The following RALYL variants were observed in gnomAD, a reference collection of about 807,000 sequenced individuals.
The protein encoded by RALYL is RALY RNA binding protein like.
In RALYL, 29 loss-of-function variants were observed where a neutral mutation model predicts 35.1. That is an observed-to-expected ratio of 0.83 (90% confidence interval 0.61 to 1.13). The LOEUF (loss-of-function observed/expected upper bound fraction) is 1.13. Ranked by LOEUF, RALYL falls within the 50% of genes most tolerant of loss-of-function variation. The probability of loss-of-function intolerance (pLI) is 0.00; values close to 1 mark genes in which losing one functional copy is unlikely to be tolerated. For missense variants in RALYL, 359 were observed against 360.4 expected, an observed-to-expected ratio of 1.00 and a Z score of 0.03; for synonymous variants, 120 against 127.6, an observed-to-expected ratio of 0.94 and a Z score of 0.40.
chr8:84,198,063 A>G (rs1015658686), intron 1 of RALYL, among the ~76,000 whole-genome samples: 4 of 152,146 alleles, frequency 2.6e-5, no homozygotes, highest in Non-Finnish European at 4.4e-5. Flanking sequence ...GATATTTTCA[A>G]TATCTATGTA....
At chr8:84,754,718 A>G (rs1585974060) in intron 2 of RALYL, among the ~76,000 whole-genome samples, 2 of 152,248 alleles carry the variant, frequency 1.3e-5, no homozygotes, top group African/African-American at 2.4e-5. Context: ...TTCACATCCA[A>G]TACCTCCTCT....
In RALYL at chr8:84,703,258, A is replaced by G. The variant is rs1564401855; in HGVS notation, c.257-71321A>G. Among the ~76,000 whole-genome samples the G allele has an allele frequency of 2.0e-5, 3 of 152,072 alleles. No homozygotes were observed. The East Asian group carries it at 5.8e-4, about 29-fold the overall frequency. On this transcript the variant is annotated intron_variant, in intron 2 of 8. Transcript: ENST00000521268. ...ATTCAAGCCACTAGGCCCAGATGTG[A>G]GGTTCAGGAGTAGATGCTCTAAATG...
At chr8:84,656,917 A>G (rs959614249) in intron 2 of RALYL, among the ~76,000 whole-genome samples, 4 of 152,168 alleles carry the variant, frequency 2.6e-5, no homozygotes, top group Non-Finnish European at 4.4e-5. Context: ...TATAGCTGGA[A>G]TCATGCTAAA....
intron 2 of RALYL, among the ~76,000 whole-genome samples, chr8:84,548,116 T>G (rs1270583403): frequency 6.6e-6 from 1 of 152,190 alleles, no homozygotes; most frequent in African/African-American, 2.4e-5. Flanking sequence ...TTATATCGTT[T>G]AACATTTCTT....
chr8:84,828,641 C>A, intron 4 of RALYL: 1 of 182,812 alleles, frequency 5.5e-6, no homozygotes, highest in South Asian at 1.4e-4. Context: ...TTGTAAAAAC[C>A]AACATTTTGT....
intron 2 of RALYL, among the ~76,000 whole-genome samples, chr8:84,617,220 A>G (rs1819964286): frequency 2.0e-5 from 3 of 151,772 alleles, no homozygotes; most frequent in African/African-American, 7.3e-5. Context: ...GTTCCTACCC[A>G]TGAGCATGGA....
chr8:84,669,054 T>C (rs1832668183), intron 2 of RALYL, among the ~76,000 whole-genome samples: 1 of 152,142 alleles, frequency 6.6e-6, no homozygotes, highest in South Asian at 2.1e-4. Context: ...TATGTTCATG[T>C]GTCTTGCAAG....
chr8:84,716,131 C>T (rs536494634), intron 2 of RALYL, among the ~76,000 whole-genome samples: 2 of 152,180 alleles, frequency 1.3e-5, no homozygotes, highest in East Asian at 3.9e-4. Flanking sequence ...TAAATAAACA[C>T]ATTGTTCTTC....
At chr8:84,574,529 G>T (rs1306108217) in intron 2 of RALYL, among the ~76,000 whole-genome samples, 1 of 152,024 alleles carries the variant, frequency 6.6e-6, no homozygotes, top group Non-Finnish European at 1.5e-5. Context: ...GACCCAGAAA[G>T]CCTATTATCA....
At chr8:84,633,922 C>T (rs1824470772) in intron 2 of RALYL, among the ~76,000 whole-genome samples, 1 of 151,788 alleles carries the variant, frequency 6.6e-6, no homozygotes, top group East Asian at 1.9e-4. Flanking sequence ...CAAGTCTTGA[C>T]TTCACGAAAT....
intron 2 of RALYL, among the ~76,000 whole-genome samples, chr8:84,734,622 G>A (rs1460423221): frequency 6.6e-6 from 1 of 152,038 alleles, no homozygotes; most frequent in Non-Finnish European, 1.5e-5. Context: ...TTCTGTTCTT[G>A]ACAGTCACTA....
chr8:84,762,374 C>G (rs1812926802), intron 2 of RALYL, among the ~76,000 whole-genome samples: 1 of 152,148 alleles, frequency 6.6e-6, no homozygotes, highest in African/African-American at 2.4e-5. Flanking sequence ...TGATGCCTTG[C>G]TCTTTCAGGT....
At chr8:84,332,457 A>G (rs1847010270) in intron 1 of RALYL, among the ~76,000 whole-genome samples, 1 of 152,148 alleles carries the variant, frequency 6.6e-6, no homozygotes, top group South Asian at 2.1e-4. Context: ...GACAGAGGAC[A>G]AAGGGGCAGG....
At chr8:84,364,088 G>A (rs1853688522) in intron 1 of RALYL, among the ~76,000 whole-genome samples, 2 of 152,070 alleles carry the variant, frequency 1.3e-5, no homozygotes, top group Non-Finnish European at 2.9e-5. Flanking sequence ...ATCCCCAAGG[G>A]CCAGACATAA....
intron 1 of RALYL, among the ~76,000 whole-genome samples, chr8:84,187,133 A>G (rs1226669171): frequency 6.6e-6 from 1 of 152,138 alleles, no homozygotes; most frequent in Non-Finnish European, 1.5e-5. Flanking sequence ...TTAAATTGGC[A>G]TTGGATCACT....
chr8:84,620,239 C>T lies in RALYL; in HGVS notation c.256+90662C>T, dbSNP rs1156498579. 1.8e-3 allele frequency among the ~76,000 whole-genome samples: 271 copies of T among 152,106 alleles called. 1 individual carries two copies. Among genetic ancestry groups the T allele is most frequent in the African/African-American group, 5.2e-3 (216 of 41,360 alleles). On this transcript the variant is annotated intron_variant, in intron 2 of 8. Transcript: ENST00000521268. ...ATCACTTTCAGGTACACCAATCAGA[C>T]GTAGATTTGGTCTTTTCACATAGTC...
chr8:84,234,951 G>A (rs142179222), intron 1 of RALYL, among the ~76,000 whole-genome samples: 2,436 of 152,006 alleles, frequency 0.016, 29 homozygotes, highest in Middle Eastern at 0.031. Context: ...TTTTAGTAGA[G>A]ACGGAGTTTC....
intron 1 of RALYL, among the ~76,000 whole-genome samples, chr8:84,276,784 C>T (rs1022544540): frequency 1.3e-5 from 2 of 152,148 alleles, no homozygotes; most frequent in Non-Finnish European, 2.9e-5. Flanking sequence ...TCTTCAGGGA[C>T]AGGAAAGAGT....
At chr8:84,815,365 T>C (rs1252956107) in intron 4 of RALYL, among the ~76,000 whole-genome samples, 1 of 148,520 alleles carries the variant, frequency 6.7e-6, no homozygotes, top group East Asian at 1.9e-4. Context: ...TTTTAAATAT[T>C]AATATTTTCT....
Sources: allele counts gnomAD v4.1 joint callset (sites outside exome capture counted in the v4.1 genomes callset), GRCh38; gene constraint gnomAD v4.1.1; transcripts MANE v1.5; gene names NCBI Gene and HGNC (gene_info 2026-07-23, HGNC 2026-07-21).